PVALB: variants seen among roughly 807,000 people sequenced by gnomAD.
The protein encoded by PVALB is parvalbumin alpha.
PVALB carries 11 observed loss-of-function variants against 10.9 expected under a neutral mutation model. That is an observed-to-expected ratio of 1.01 (90% CI 0.63 to 1.67). The LOEUF (loss-of-function observed/expected upper bound fraction) is 1.67, where lower values mean the gene tolerates loss of function less well. Ranked by LOEUF, PVALB falls within the 40% of genes most tolerant of loss-of-function variation. The pLI is 0.00. For missense variants in PVALB, 131 were observed against 136.2 expected, an observed-to-expected ratio of 0.96 and a Z score of 0.19; for synonymous variants, 57 against 50.7, an observed-to-expected ratio of 1.12 and a Z score of -0.53.
intron 3 of PVALB, 48 bp downstream of exon 3, chr22:36,813,598 C>T (rs774165958): frequency 3.0e-5 from 45 of 1,484,836 alleles, no homozygotes; most frequent in Non-Finnish European, 3.8e-5. Context: ...TCGCATCCAA[C>T]ACCCCAAGAT....
rs115140858 is a variant in PVALB at position 36,809,814 on chromosome 22, C to T, written c.304+3832G>A. On this transcript the variant is annotated intron_variant, in intron 3 of 3. Transcript: ENST00000417718. ...CATCTGTGAAATCCCGGGGCTGGAA[C>T]GCACCCCAGTAATTGGCTAGTGATC... 1.8e-3 allele frequency among the ~76,000 whole-genome samples: 270 copies of T among 150,632 alleles called. 1 individual carries two copies. Among genetic ancestry groups the T allele is most frequent in the African/African-American group, 5.8e-3 (238 of 41,042 alleles).
At chr22:36,818,807 C>T (rs1939193280), upstream of PVALB, 1 of 152,302 alleles carries the variant, frequency 6.6e-6, no homozygotes. Context: ...CAGGGTACAC[C>T]CCTGGACTCA....
chr22:36,816,098 T>C (rs1349793256), intron 1 of PVALB, among the ~76,000 whole-genome samples: 1 of 152,052 alleles, frequency 6.6e-6, no homozygotes, highest in East Asian at 1.9e-4. Context: ...TGAAGTCATG[T>C]TCTCTTCCCC....
At chr22:36,808,757 C>T (rs1939002031) in intron 3 of PVALB, among the ~76,000 whole-genome samples, 1 of 152,218 alleles carries the variant, frequency 6.6e-6, no homozygotes, top group Admixed American at 6.5e-5. Context: ...GAAAAGCCAC[C>T]TGCCACATAG....
chr22:36,809,064 A>G (rs1449960657), intron 3 of PVALB, among the ~76,000 whole-genome samples: 1 of 152,212 alleles, frequency 6.6e-6, no homozygotes, highest in African/African-American at 2.4e-5. Flanking sequence ...CAAGAAACTG[A>G]TAAGTATCAC....
chr22:36,811,375 G>T, intron 3 of PVALB: 1 of 411,210 alleles, frequency 2.4e-6, no homozygotes, highest in Non-Finnish European at 5.0e-6. Context: ...ACATTTCCAT[G>T]TTATAATGCC....
rs114629908 is a variant in PVALB at position 36,815,030 on chromosome 22, G to C, written c.194+73C>G. The stretch of plus-strand genomic sequence containing the variant: ...GAAAGGCAGGTCTGATGGACACTTG[G>C]AAGCTAGAGTCCCAGCCCCCACTCC... On this transcript the variant is annotated intron_variant, in intron 2 of 3. Transcript: ENST00000417718. 1,157 of 1,574,670 alleles carry C rather than the reference G, an allele frequency of 7.3e-4. 10 individuals carry two copies. In the African/African-American group the frequency reaches 0.011, roughly 15 times the overall value.
At chr22:36,806,191 T>G (rs1938946754) in intron 3 of PVALB, among the ~76,000 whole-genome samples, 1 of 152,172 alleles carries the variant, frequency 6.6e-6, no homozygotes, top group Non-Finnish European at 1.5e-5. Flanking sequence ...GGTCATTCTC[T>G]TCTAAGACAT....
At chr22:36,815,470 CA>C in intron 1 of PVALB, 1 of 549,146 alleles carries the variant, frequency 1.8e-6, no homozygotes, top group Non-Finnish European at 3.2e-6. Flanking sequence ...CCCTGGCTCT[CA>C]AGCCCGCCCC....
intron 3 of PVALB, among the ~76,000 whole-genome samples, chr22:36,811,100 A>C (rs546110759): frequency 6.6e-6 from 1 of 152,190 alleles, no homozygotes; most frequent in South Asian, 2.1e-4. Flanking sequence ...ACATGGTGAA[A>C]CCTCGTCTCT....
chr22:36,802,002 A>G (rs1938872477), intron 3 of PVALB, among the ~76,000 whole-genome samples: 1 of 152,122 alleles, frequency 6.6e-6, no homozygotes, highest in African/African-American at 2.4e-5. Context: ...GAGACAAATA[A>G]AAAACTGGTC....
upstream of PVALB, chr22:36,817,100 G>T: frequency 8.3e-7 from 1 of 1,203,374 alleles, no homozygotes; most frequent in African/African-American, 1.6e-5. Context: ...GCAGTGCTGC[G>T]CGCCGGGCGC....
intron 3 of PVALB, among the ~76,000 whole-genome samples, chr22:36,810,895 C>A (rs1939035157): frequency 6.6e-6 from 1 of 152,238 alleles, no homozygotes; most frequent in African/African-American, 2.4e-5. Flanking sequence ...GTACAAAATG[C>A]CTGATGCCTG....
chr22:36,802,210 T>A (rs1014679970), intron 3 of PVALB, among the ~76,000 whole-genome samples: 1 of 152,184 alleles, frequency 6.6e-6, no homozygotes, highest in Non-Finnish European at 1.5e-5. Context: ...CTCTGTACTA[T>A]CATTTCAATT....
At chr22:36,807,792 AC>A (rs1569091320) in intron 3 of PVALB, among the ~76,000 whole-genome samples, 1 of 152,138 alleles carries the variant, frequency 6.6e-6, no homozygotes, top group Non-Finnish European at 1.5e-5. Context: ...CCAAGGCCTT[AC>A]GCTACCACTC....
Position 36,800,756 on chromosome 22 carries a change from T to G in PVALB, c.*134A>C. ...AGCATTTTCCAGAAGAATGGTGTCA[T>G]TAGAGGGCCACAGGGGATGGGGGAG... is the stretch of plus-strand genomic sequence containing the variant. On this transcript the variant is annotated 3_prime_UTR_variant, in exon 4 of 4. Coordinates refer to ENST00000417718, the MANE Select transcript of PVALB (RefSeq NM_001315532.2). 2.1e-6 allele frequency: 2 copies of G among 964,060 alleles called. No homozygotes were observed. The highest frequency in any genetic ancestry group is 3.3e-6 in the Non-Finnish European group (2 of 598,272). The allele number at this position is 964,060 out of a possible 1,614,324, so 59.7% of individuals were successfully genotyped here.
upstream of PVALB, chr22:36,818,486 T>C (rs1939186941): frequency 6.5e-6 from 1 of 152,844 alleles, no homozygotes; most frequent in African/African-American, 2.4e-5. Flanking sequence ...GCCCGCCAGA[T>C]GGCTTCCAAG....
In PVALB at chr22:36,816,990, A is replaced by C. The variant is rs1472264892; in HGVS notation, c.16T>G (p.Leu6Val). 1.2e-6 allele frequency: 2 copies of C among 1,609,622 alleles called. No homozygotes were observed. The highest frequency in any genetic ancestry group is 1.7e-6 in the Non-Finnish European group (2 of 1,178,694). Residue 6 changes from leucine (L) to valine (V), a missense_variant, in exon 1 of 4, where the codon TTG becomes GTG. By Grantham distance (32) the Leu-to-Val change is conservative. Coordinates refer to ENST00000417718, the MANE Select transcript of PVALB (RefSeq NM_001315532.2). Reference protein sequence around the residue: MSMTDLLNAEDIKKAV... With the variant: MSMTDVLNAEDIKKAV... ...TTCTTGATGTCCTCAGCGTTCAGCAAGTCTGTCATCGACATCCTGCAACTG... is the reference window on the plus strand; with the variant it reads ...TTCTTGATGTCCTCAGCGTTCAGCACGTCTGTCATCGACATCCTGCAACTG...
chr22:36,801,400 G>C (rs1258705313), intron 3 of PVALB, among the ~76,000 whole-genome samples: 2 of 152,180 alleles, frequency 1.3e-5, no homozygotes, highest in African/African-American at 4.8e-5. Context: ...GATGAGAGAG[G>C]ACAAGGAGTT....
Sources: allele counts gnomAD v4.1 joint callset (sites outside exome capture counted in the v4.1 genomes callset), GRCh38; gene constraint gnomAD v4.1.1; transcripts MANE v1.5; gene names NCBI Gene and HGNC (gene_info 2026-07-23, HGNC 2026-07-21).